HAPSTR1: variants seen among roughly 807,000 people sequenced by gnomAD.
The protein encoded by HAPSTR1 is HUWE1 associated protein modifying stress responses.
chr16:9,092,525 CG>C, the HAPSTR1 span, among the ~76,000 whole-genome samples: 146 of 152,294 alleles, frequency 9.6e-4, 1 homozygote, highest in Non-Finnish European at 1.7e-3. Context: ...CCCCGCTCTC[CG>C]GGCCCGGCCA....
the HAPSTR1 span, among the ~76,000 whole-genome samples, chr16:9,116,295 T>C: frequency 6.6e-6 from 1 of 152,184 alleles, no homozygotes; most frequent in African/African-American, 2.4e-5. Context: ...AATGGTAACT[T>C]TGGGTAACCA....
chr16:9,116,945 T>G, the HAPSTR1 span: 2 of 1,609,484 alleles, frequency 1.2e-6, no homozygotes, highest in South Asian at 1.1e-5. Flanking sequence ...CCATGCTGCT[T>G]GAAAGCCACT....
chr16:9,105,245 A>G, the HAPSTR1 span: 1 of 152,248 alleles, frequency 6.6e-6, no homozygotes, highest in African/African-American at 2.4e-5. Flanking sequence ...AAACTTAAAT[A>G]TAAGGCTTTG....
At chr16:9,104,795 C>T in the HAPSTR1 span, 6 of 152,248 alleles carry the variant, frequency 3.9e-5, no homozygotes, top group Admixed American at 2.6e-4. Context: ...ACATCTTTCC[C>T]CCTAAAGTTT....
At chr16:9,096,016 G>C in the HAPSTR1 span, among the ~76,000 whole-genome samples, 50 of 152,272 alleles carry the variant, frequency 3.3e-4, no homozygotes, top group African/African-American at 1.2e-3. Context: ...ATCTGGCTAG[G>C]GTTGATGTTT....
At chr16:9,119,626 C>G in the HAPSTR1 span, 1 of 152,210 alleles carries the variant, frequency 6.6e-6, no homozygotes, top group African/African-American at 2.4e-5. Flanking sequence ...CAGTCAGATT[C>G]TTCAATGTGG....
At chr16:9,093,025 C>T in the HAPSTR1 span, 2 of 1,596,556 alleles carry the variant, frequency 1.3e-6, no homozygotes, top group Non-Finnish European at 1.7e-6. Context: ...TGCTGCATTG[C>T]CGATTCAGGG....
At chr16:9,092,892 G>GTTTTTTTTTTTTTTTGT in the HAPSTR1 span, 18 of 1,267,474 alleles carry the variant, frequency 1.4e-5, no homozygotes, top group Admixed American at 6.9e-5. Context: ...TTTCTTTTTG[G>GTTTTTTTTTTTTTTTGT]TTTTTTTTTT....
chr16:9,115,947 C>G, the HAPSTR1 span, among the ~76,000 whole-genome samples: 2 of 152,114 alleles, frequency 1.3e-5, no homozygotes, highest in East Asian at 1.9e-4. Flanking sequence ...AACAAAGCAG[C>G]AGGATTCTTC....
the HAPSTR1 span, among the ~76,000 whole-genome samples, chr16:9,096,195 G>C: frequency 1.3e-5 from 2 of 152,176 alleles, no homozygotes; most frequent in Non-Finnish European, 2.9e-5. Context: ...ACAGATTCTA[G>C]TACAAGCTCT....
chr16:9,093,708 G>C, the HAPSTR1 span, among the ~76,000 whole-genome samples: 1 of 152,122 alleles, frequency 6.6e-6, no homozygotes, highest in Non-Finnish European at 1.5e-5. Flanking sequence ...GTTCCTTTCT[G>C]GAGTTAATCC....
the HAPSTR1 span, chr16:9,091,739 TG>T: frequency 2.7e-6 from 1 of 368,324 alleles, no homozygotes; most frequent in Non-Finnish European, 4.7e-6. Flanking sequence ...CGCAGCGCCA[TG>T]GGGGGGCGTT....
At chr16:9,107,090 T>G in the HAPSTR1 span, 1 of 152,276 alleles carries the variant, frequency 6.6e-6, no homozygotes, top group Non-Finnish European at 1.5e-5. Flanking sequence ...CGTTTAGACC[T>G]TCTCTCCTGA....
chr16:9,092,963 T>A, the HAPSTR1 span: 1 of 1,612,054 alleles, frequency 6.2e-7, no homozygotes. Flanking sequence ...TGGGTCCCCT[T>A]CCAAAACGCA....
chr16:9,120,326 T>A, the HAPSTR1 span: 1 of 152,386 alleles, frequency 6.6e-6, no homozygotes, highest in Non-Finnish European at 1.5e-5. Flanking sequence ...TAAGGCCAGC[T>A]TCTAGCCTCC....
chr16:9,098,330 TCA>T, the HAPSTR1 span, among the ~76,000 whole-genome samples: 5 of 152,054 alleles, frequency 3.3e-5, no homozygotes, highest in East Asian at 1.9e-4. Flanking sequence ...CGAAAATCCA[TCA>T]CACACACACA....
the HAPSTR1 span, chr16:9,092,391 C>CCGCGA: frequency 1.1e-6 from 1 of 909,166 alleles, no homozygotes; most frequent in Non-Finnish European, 1.4e-6. Context: ...GGGATCCCGG[C>CCGCGA]CGGTGGCTCC....
At chr16:9,092,885 CTTTTTGGTTTTTTTT>C in the HAPSTR1 span, 12 of 1,512,990 alleles carry the variant, frequency 7.9e-6, no homozygotes, top group Non-Finnish European at 9.9e-6. Context: ...TTTCTTTTTT[CTTTTTGGTTTTTTTT>C]TTTTTTGGCT....
At chr16:9,098,240 G>C in the HAPSTR1 span, among the ~76,000 whole-genome samples, 1 of 152,218 alleles carries the variant, frequency 6.6e-6, no homozygotes, top group African/African-American at 2.4e-5. Flanking sequence ...GGCTGAGGCA[G>C]AAGAATTGCT....
Sources: allele counts gnomAD v4.1 joint callset (sites outside exome capture counted in the v4.1 genomes callset), GRCh38; gene constraint gnomAD v4.1.1; transcripts MANE v1.5; gene names NCBI Gene and HGNC (gene_info 2026-07-23, HGNC 2026-07-21).